Variants in DHX34 observed in about 807,000 individuals in gnomAD.
DHX34 encodes probable ATP-dependent RNA helicase DHX34.
Under a neutral mutation model 111.1 loss-of-function variants are expected in DHX34, and 96 were observed. That is an observed-to-expected ratio of 0.86 (90% CI 0.73 to 1.02). The LOEUF (loss-of-function observed/expected upper bound fraction) is 1.02, where lower values mean the gene tolerates loss of function less well. DHX34 is among the 50% of genes least tolerant of loss of function. DHX34 has a pLI of 0.00. For missense variants in DHX34, 1,560 were observed against 1,579.9 expected (o/e 0.99, Z 0.21); for synonymous variants, 688 against 670.4 (o/e 1.03, Z -0.41).
At chr19:47,359,801 G>A in intron 4 of DHX34, 167 bp from the exon 5 acceptor site, 3 of 971,870 alleles carry the variant, frequency 3.1e-6, no homozygotes, top group Non-Finnish European at 3.7e-6. Flanking sequence ...GAGGGCCCAG[G>A]ATGGCCCAGG....
rs1970328519 is a variant in DHX34 at position 47,380,820 on chromosome 19, C to G, written c.2987C>G (p.Pro996Arg). 3.7e-6 allele frequency: 6 copies of G among 1,613,898 alleles called. 1 individual carries two copies. In the Admixed American group the frequency reaches 8.3e-5, roughly 22 times the overall value. Residue 996 changes from proline to arginine, a missense_variant, in exon 15 of 17, where the codon CCT becomes CGT. Coordinates refer to ENST00000328771, the MANE Select transcript of DHX34 (RefSeq NM_014681.6). ...TTCCTGTCTCTCCTTCCTTAGATTC[C>G]TTACAGCCTCCGGCGGCTCACAGGG... is the stretch of plus-strand genomic sequence containing the variant. ...ELLQFTASKI[P>R]YSLRRLTGLE...
chr19:47,376,467 G>A lies in DHX34; in HGVS notation c.2506G>A (p.Gly836Ser). Residue 836 changes from glycine (G) to serine (S), a missense_variant, in exon 12 of 17, where the codon GGC becomes AGC. Coordinates refer to ENST00000328771, the MANE Select transcript of DHX34 (RefSeq NM_014681.6). ...GATTTTCCACACGCAGGCCAAGCAG[G>A]GCGCCGTGCTGCACCCCACCTGCGT... ...DQIFHTQAKQGAVLHPTCVFA... is the reference protein window; with the variant it reads ...DQIFHTQAKQSAVLHPTCVFA... 1 of 1,611,662 alleles carries A rather than the reference G, an allele frequency of 6.2e-7. No individual in the cohort carries two copies. The highest frequency in any genetic ancestry group is 8.5e-7 in the Non-Finnish European group (1 of 1,179,186).
intron 5 of DHX34, 185 bp from the exon 6 acceptor site, chr19:47,362,287 AAAAG>A: frequency 1.5e-5 from 13 of 860,158 alleles, no homozygotes; most frequent in Non-Finnish European, 1.8e-5. Context: ...AAAAAAAAAA[AAAAG>A]ATGTGTGAGG....
At chr19:47,371,057 G>A (rs756176076) in intron 7 of DHX34, among the ~76,000 whole-genome samples, 2 of 152,248 alleles carry the variant, frequency 1.3e-5, no homozygotes, top group Non-Finnish European at 2.9e-5. Context: ...AGCTCTTGCT[G>A]TGTGCCGGCG....
At position 47,353,482 on chromosome 19, in the gene DHX34, G is replaced by A. The variant is rs149967464; in HGVS notation, c.452G>A (p.Arg151His). The stretch of plus-strand genomic sequence containing the variant: ...TTTGGCCAGAAGCAGGCATTTGGGC[G>A]TCTGGCCAAGCTGCAGCGTGAGCGG... ...LDFGQKQAFG[R>H]LAKLQRERAA... is the part of the protein sequence containing the mutation. The change falls in exon 2 of 17, where the codon CGT becomes CAT. Residue 151 changes from arginine to histidine, a missense_variant. By Grantham distance (29) the Arg-to-His change is conservative. Transcript: ENST00000328771. The surrounding 1 kb of genome is among the most constrained non-coding windows in gnomAD (Gnocchi z 4.6). 5.1e-5 allele frequency: 83 copies of A among 1,614,064 alleles called. 1 individual carries two copies. Among genetic ancestry groups the A allele is most frequent in the African/African-American group, 4.0e-4 (30 of 75,066 alleles).
At chr19:47,364,801 CAG>C (rs1042977766) in intron 6 of DHX34, among the ~76,000 whole-genome samples, 22 of 152,066 alleles carry the variant, frequency 1.4e-4, no homozygotes, top group Non-Finnish European at 3.2e-4. Flanking sequence ...AAGAAGGATG[CAG>C]AGAGAGAGAA....
intron 5 of DHX34, among the ~76,000 whole-genome samples, chr19:47,360,669 TTTGTTGTTGTTG>T (rs58164248): frequency 3.6e-4 from 53 of 149,118 alleles, no homozygotes; most frequent in African/African-American, 9.7e-4. Context: ...TGACATTCTG[TTTGTTGTTGTTG>T]TTGTTGTTGT....
At chr19:47,372,322 A>G (rs1969989019) in intron 7 of DHX34, among the ~76,000 whole-genome samples, 1 of 152,006 alleles carries the variant, frequency 6.6e-6, no homozygotes, top group African/African-American at 2.4e-5. Context: ...GTGACACTCT[A>G]GCGCGGAGGA....
intron 14 of DHX34, chr19:47,380,597 G>A: frequency 2.0e-6 from 2 of 984,436 alleles, no homozygotes; most frequent in Non-Finnish European, 2.4e-6. Context: ...GGGCAGAAGA[G>A]GGGCCTGGGG....
At chr19:47,378,654 ACT>A (rs1440829661) in intron 13 of DHX34, among the ~76,000 whole-genome samples, 3 of 151,430 alleles carry the variant, frequency 2.0e-5, no homozygotes, top group Admixed American at 6.6e-5. Flanking sequence ...ACATAGGGAG[ACT>A]CTATCTATCT....
In DHX34 at chr19:47,353,948, G is replaced by A. The variant is rs978921341; in HGVS notation, c.705+213G>A. On this transcript the variant is annotated intron_variant, in intron 2 of 16. Coordinates refer to ENST00000328771, the MANE Select transcript of DHX34 (RefSeq NM_014681.6). The surrounding 1 kb of genome is among the most constrained non-coding windows in gnomAD (Gnocchi z 4.6). ...GTAGCACTTTAACAGCAAAACAATG[G>A]GAAATGTCCTAAAGGCTCATCACTT... Among the ~76,000 whole-genome samples, 12 of 152,122 alleles carry A rather than the reference G, an allele frequency of 7.9e-5. No individual in the cohort carries two copies. Among genetic ancestry groups the A allele is most frequent in the African/African-American group, 2.4e-4 (10 of 41,438 alleles).
In DHX34 at chr19:47,382,031, G is replaced by T; in HGVS notation, c.3350G>T (p.Arg1117Met). Residue 1117 changes from arginine (R) to methionine (M), a missense_variant, in exon 17 of 17, where the codon AGG becomes ATG. Transcript: ENST00000328771. ...CTCCAGAAGACATCTGTCCTGCAGAGGCCCTACCACTGCGAGGCCTGCGGG... is the reference window on the plus strand; with the variant it reads ...CTCCAGAAGACATCTGTCCTGCAGATGCCCTACCACTGCGAGGCCTGCGGG... Reference protein sequence around the residue: ...ETLQKTSVLQRPYHCEACGKD... With the variant: ...ETLQKTSVLQMPYHCEACGKD... 1 of 1,614,128 alleles carries T rather than the reference G, an allele frequency of 6.2e-7. No individual in the cohort carries two copies. Among genetic ancestry groups the T allele is most frequent in the Non-Finnish European group, 8.5e-7 (1 of 1,180,010 alleles).
chr19:47,371,479 G>A (rs894514921), intron 7 of DHX34, among the ~76,000 whole-genome samples: 1 of 152,222 alleles, frequency 6.6e-6, no homozygotes, highest in African/African-American at 2.4e-5. Flanking sequence ...GCGTCACGGC[G>A]AGGTGGGGCC....
chr19:47,378,796 C>T (rs980052945), intron 13 of DHX34, among the ~76,000 whole-genome samples: 2 of 148,752 alleles, frequency 1.3e-5, no homozygotes, highest in African/African-American at 5.0e-5. Context: ...TGATTGTTGA[C>T]ACTGCACTCC....
intron 3 of DHX34, among the ~76,000 whole-genome samples, chr19:47,356,344 A>G (rs997411823): frequency 3.9e-5 from 6 of 152,052 alleles, no homozygotes; most frequent in African/African-American, 1.4e-4. Flanking sequence ...AAAAAAAGAA[A>G]GAATGGGTCG....
chr19:47,369,394 G>A (rs1250296991), intron 7 of DHX34, among the ~76,000 whole-genome samples: 9 of 152,110 alleles, frequency 5.9e-5, no homozygotes, highest in South Asian at 4.1e-4. Context: ...TGCCCACTTC[G>A]GCCTTTCAAA....
At position 47,376,092 on chromosome 19, in the gene DHX34, G is replaced by A. The variant is rs368431719; in HGVS notation, c.2476G>A (p.Asp826Asn). Residue 826 changes from aspartate to asparagine, a missense_variant, in exon 11 of 17, where the codon GAC becomes AAC. Physicochemically the swap from Asp to Asn is conservative, Grantham distance 23 (BLOSUM62 1). Coordinates refer to ENST00000328771, the MANE Select transcript of DHX34 (RefSeq NM_014681.6). ...DAFNSSRKDSDQIFHTQAKQG... is the reference protein window; with the variant it reads ...DAFNSSRKDSNQIFHTQAKQG... ...CTTCAACAGCAGCCGAAAGGACTCA[G>A]ACCAGGTGGGGCCTGTTCTGCCCCA... 7 of 1,558,826 alleles carry A rather than the reference G, an allele frequency of 4.5e-6. No individual in the cohort carries two copies. The African/African-American group carries it at 9.7e-5, about 22-fold the overall frequency.
In DHX34 at chr19:47,355,081, ACC is replaced by A. The variant is rs770312679; in HGVS notation, c.749_750del (p.Thr250LysfsTer24). On this transcript the variant is annotated frameshift_variant, in exon 3 of 17. Coordinates refer to ENST00000328771, the MANE Select transcript of DHX34 (RefSeq NM_014681.6). LOFTEE classifies it high-confidence loss of function. ...IRFESTRSAA[T>X]KIVFLTVGLL... The stretch of plus-strand genomic sequence containing the variant: ...CTTTGAGAGCACACGTTCGGCGGCC[ACC>A]AAGATTGTATTCCTGACAGTGGGGC... The A allele has an allele frequency of 7.4e-6, 12 of 1,613,806 alleles. No homozygotes were observed. Among genetic ancestry groups the A allele is most frequent in the Non-Finnish European group, 9.3e-6 (11 of 1,180,004 alleles).
chr19:47,370,782 T>G (rs1288402703), intron 7 of DHX34, among the ~76,000 whole-genome samples: 4 of 152,120 alleles, frequency 2.6e-5, no homozygotes, highest in Non-Finnish European at 5.9e-5. Context: ...GTTCAAGTGA[T>G]CCTCCCACCT....
Sources: allele counts gnomAD v4.1 joint callset (sites outside exome capture counted in the v4.1 genomes callset), GRCh38; gene constraint gnomAD v4.1.1; non-coding constraint Gnocchi (gnomAD v3.1); transcripts MANE v1.5; gene names NCBI Gene and HGNC (gene_info 2026-07-23, HGNC 2026-07-21).